Variants in SEMA5A observed in about 807,000 individuals in gnomAD.
SEMA5A encodes the protein semaphorin 5A.
SEMA5A carries 55 observed loss-of-function variants against 135.5 expected under a neutral mutation model. That is an observed-to-expected ratio of 0.41 (90% CI 0.33 to 0.51). The LOEUF (loss-of-function observed/expected upper bound fraction) is 0.51, where lower values mean the gene tolerates loss of function less well. Among genes scored for constraint, SEMA5A ranks in the 20% least tolerant of loss-of-function variants. The pLI, the probability that SEMA5A is intolerant of heterozygous loss-of-function variation, is 0.37. For missense variants in SEMA5A, 1,290 were observed against 1,419.9 expected, an observed-to-expected ratio of 0.91 and a Z score of 1.47; for synonymous variants, 580 against 546.5, an observed-to-expected ratio of 1.06 and a Z score of -0.85.
chr5:9,542,097 T>G lies in SEMA5A; in HGVS notation c.-175+3487A>C, dbSNP rs533574641. Among the ~76,000 whole-genome samples the G allele has an allele frequency of 2.9e-3, 443 of 152,374 alleles. 6 individuals are homozygous for G. Among genetic ancestry groups the G allele is most frequent in the African/African-American group, 0.01 (427 of 41,588 alleles). On this transcript the variant is annotated intron_variant, in intron 1 of 22. Transcript: ENST00000382496. ...CTTTTCTCCCTATCAGAAATTGATT[T>G]TGTATATCTGGATAACCAATTCTTA...
intron 1 of SEMA5A, among the ~76,000 whole-genome samples, chr5:9,482,338 T>A (rs444808): frequency 6.6e-6 from 1 of 152,194 alleles, no homozygotes; most frequent in African/African-American, 2.4e-5. Flanking sequence ...CTGGAGGCCT[T>A]GTAATGTAGA....
intron 5 of SEMA5A, among the ~76,000 whole-genome samples, chr5:9,318,108 C>T (rs1267623391): frequency 2.6e-5 from 4 of 152,180 alleles, no homozygotes; most frequent in Non-Finnish European, 5.9e-5. Flanking sequence ...CTTGAATGGT[C>T]TGTCATCTAA....
At chr5:9,071,398 A>G (rs1349852718) in intron 16 of SEMA5A, among the ~76,000 whole-genome samples, 1 of 152,212 alleles carries the variant, frequency 6.6e-6, no homozygotes, top group Non-Finnish European at 1.5e-5. Flanking sequence ...GTGCCTATTT[A>G]TAATTCTGCA....
chr5:9,493,941 C>A (rs1735168108), intron 1 of SEMA5A, among the ~76,000 whole-genome samples: 2 of 152,066 alleles, frequency 1.3e-5, no homozygotes, highest in Non-Finnish European at 2.9e-5. Context: ...GTAAGGTTAC[C>A]ATAACTTTAA....
At chr5:9,286,719 CACACAT>C (rs1750813370) in intron 5 of SEMA5A, among the ~76,000 whole-genome samples, 1 of 79,016 alleles carries the variant, frequency 1.3e-5, no homozygotes, top group African/African-American at 3.2e-5. Context: ...CACACTTATA[CACACAT>C]ACACACACAC....
chr5:9,066,445 C>A lies in SEMA5A; in HGVS notation c.2275G>T (p.Gly759Cys). 6.2e-7 allele frequency: 1 copy of A among 1,614,198 alleles called. No homozygotes were observed. The highest frequency in any genetic ancestry group is 8.5e-7 in the Non-Finnish European group (1 of 1,180,018). The change falls in exon 17 of 23, where the codon GGC becomes TGC. Residue 759 changes from glycine to cysteine, a missense_variant. Gly to Cys is a radical substitution (Grantham distance 159, BLOSUM62 -3). This residue lies in a region of SEMA5A where 1,029 missense variants were observed against 1,086.6 expected (regional missense o/e 0.95). Coordinates refer to ENST00000382496, the MANE Select transcript of SEMA5A (RefSeq NM_003966.3). Reference protein sequence around the residue: ...RIEMRYCSSDGTSGCSTDGLS... With the variant: ...RIEMRYCSSDCTSGCSTDGLS... ...CCATCTGTGGAGCAGCCACTGGTGC[C>A]GTCGCTAGAACAGTACCGCATTTCG...
chr5:9,099,204 T>C (rs1483801168), intron 16 of SEMA5A, among the ~76,000 whole-genome samples: 1 of 152,184 alleles, frequency 6.6e-6, no homozygotes, highest in Non-Finnish European at 1.5e-5. Context: ...AAACTTTCAG[T>C]GCCAAATTTT....
intron 14 of SEMA5A, among the ~76,000 whole-genome samples, chr5:9,121,967 G>C (rs1051502925): frequency 4.6e-5 from 7 of 152,068 alleles, no homozygotes; most frequent in African/African-American, 1.7e-4. Context: ...CAGATAATAT[G>C]TTTAAAAAAT....
At chr5:9,431,466 C>G (rs962629650) in intron 2 of SEMA5A, among the ~76,000 whole-genome samples, 5 of 152,172 alleles carry the variant, frequency 3.3e-5, no homozygotes, top group African/African-American at 1.2e-4. Context: ...TAAACAAAAA[C>G]AAATGAAGCA....
intron 8 of SEMA5A, among the ~76,000 whole-genome samples, chr5:9,203,067 A>T (rs769093152): frequency 8.5e-4 from 129 of 152,336 alleles, no homozygotes; most frequent in Non-Finnish European, 1.4e-3. Flanking sequence ...TGAATTTTAC[A>T]TACAGCATTT....
At chr5:9,135,884 A>G (rs562874132) in intron 13 of SEMA5A, among the ~76,000 whole-genome samples, 1 of 152,318 alleles carries the variant, frequency 6.6e-6, no homozygotes, top group Non-Finnish European at 1.5e-5. Context: ...ATAAATGTGG[A>G]CCCAAACACA....
At chr5:9,333,436 A>C (rs1227941025) in intron 4 of SEMA5A, among the ~76,000 whole-genome samples, 3 of 152,256 alleles carry the variant, frequency 2.0e-5, no homozygotes, top group Non-Finnish European at 4.4e-5. Flanking sequence ...AATACATATC[A>C]GAGTAATTCG....
intron 1 of SEMA5A, among the ~76,000 whole-genome samples, chr5:9,540,240 C>A (rs1256111449): frequency 1.3e-5 from 2 of 152,136 alleles, no homozygotes; most frequent in Non-Finnish European, 2.9e-5. Context: ...AGCTGACATT[C>A]TGTATCAGTG....
chr5:9,054,127 C>A lies in SEMA5A; in HGVS notation c.2649G>T (p.Leu883=). The A allele has an allele frequency of 6.2e-7, 1 of 1,613,348 alleles. No homozygotes were observed. The highest frequency in any genetic ancestry group is 1.7e-5 in the Admixed American group (1 of 59,946). ...TGTTGCAGAGTGCCTCTTCTGTGTG[C>A]AGCCCCAGGCAGATGTCCCCTCCAT... ...PAYGGDICLG[L]HTEEALCNTQ... Residue 883 remains leucine (L), a synonymous_variant, in exon 19 of 23, where the codon CTG becomes CTT. Transcript: ENST00000382496.
In SEMA5A at chr5:9,066,402, C is replaced by G. The variant is rs1389362249; in HGVS notation, c.2299+19G>C. 6.2e-7 allele frequency: 1 copy of G among 1,611,574 alleles called. No individual in the cohort carries two copies. The highest frequency in any genetic ancestry group is 8.5e-7 in the Non-Finnish European group (1 of 1,177,672). Reference sequence around the variant, plus strand: ...CCCTTCCATGGAAGTGGGTCAGTCCCCACGGAATCACTACTCACCATCTGT... The same window carrying G: ...CCCTTCCATGGAAGTGGGTCAGTCCGCACGGAATCACTACTCACCATCTGT... On this transcript the variant is annotated intron_variant, in intron 17 of 22. Coordinates refer to ENST00000382496, the MANE Select transcript of SEMA5A (RefSeq NM_003966.3).
At chr5:9,263,416 G>A (rs773129550) in intron 5 of SEMA5A, among the ~76,000 whole-genome samples, 3 of 152,144 alleles carry the variant, frequency 2.0e-5, no homozygotes, top group African/African-American at 4.8e-5. Context: ...TGTGAACTGC[G>A]CACTGCAGTG....
intron 1 of SEMA5A, among the ~76,000 whole-genome samples, chr5:9,525,804 A>G (rs1351882480): frequency 6.6e-6 from 1 of 152,192 alleles, no homozygotes; most frequent in East Asian, 1.9e-4. Flanking sequence ...TTTTTTCTTT[A>G]CGCATGAATC....
intron 1 of SEMA5A, among the ~76,000 whole-genome samples, chr5:9,531,091 C>A (rs1737406700): frequency 1.3e-5 from 2 of 152,072 alleles, no homozygotes; most frequent in South Asian, 4.1e-4. Flanking sequence ...GGTTTTGTCC[C>A]TAAAAAACTC....
intron 1 of SEMA5A, among the ~76,000 whole-genome samples, chr5:9,492,862 G>A (rs145028212): frequency 2.0e-5 from 3 of 152,282 alleles, no homozygotes; most frequent in Admixed American, 1.3e-4. Flanking sequence ...AGGGGCTGAG[G>A]GGAGGGAGGG....
Sources: gnomAD v4.1 joint callset for allele counts (sites outside exome capture counted in the v4.1 genomes callset) on GRCh38, gnomAD v4.1.1 for gene constraint, gnomAD v4.1.1 regional missense constraint, MANE v1.5 for transcripts, NCBI Gene and HGNC (gene_info 2026-07-23, HGNC 2026-07-21) for gene names.